The following GLI3 variants were observed in gnomAD, a reference collection of about 807,000 sequenced individuals.
GLI3 encodes GLI family zinc finger 3.
A neutral mutation model predicts 100.8 loss-of-function variants in GLI3; 20 were observed. That is an observed-to-expected ratio of 0.20 (90% CI 0.14 to 0.29). The LOEUF (loss-of-function observed/expected upper bound fraction) is 0.29, where lower values mean the gene tolerates loss of function less well. Ranked by LOEUF, GLI3 falls within the 10% of genes least tolerant of loss-of-function variation. The pLI is 1.00. For synonymous variants in GLI3, 938 were observed against 860.5 expected, an observed-to-expected ratio of 1.09 and a Z score of -1.58; for missense variants, 2,040 against 2,128.5, an observed-to-expected ratio of 0.96 and a Z score of 0.82.
At chr7:42,023,766 T>C (rs907731288) in intron 9 of GLI3, among the ~76,000 whole-genome samples, 158 bp from the exon 10 acceptor site, 2 of 152,212 alleles carry the variant, frequency 1.3e-5, no homozygotes, top group Non-Finnish European at 2.9e-5. Flanking sequence ...CTGTGCATAT[T>C]TTCAGATTTA....
chr7:41,978,758 G>A lies in GLI3; in HGVS notation c.1498-10C>T, dbSNP rs1787577126. The stretch of plus-strand genomic sequence containing the variant: ...GGTCGTTATTTATATGCTGGGGTTT[G>A]GAAAAAGAGAGAGAAATCAAATGGA... On this transcript the variant is annotated splice_polypyrimidine_tract_variant and intron_variant, in intron 10 of 14. Coordinates refer to ENST00000395925, the MANE Select transcript of GLI3 (RefSeq NM_000168.6). 1 of 1,612,652 alleles carries A rather than the reference G, an allele frequency of 6.2e-7. No homozygotes were observed. Among genetic ancestry groups the A allele is most frequent in the Admixed American group, 1.7e-5 (1 of 59,986 alleles).
At position 42,148,352 on chromosome 7, in the gene GLI3, C is replaced by T. The variant is rs376725882; in HGVS notation, c.241G>A (p.Glu81Lys). ...TCTTTCTTGATCAATGAGGCCCTCT[C>T]GTCACTCGATGTTGAAGGTTCCTCA... is the stretch of plus-strand genomic sequence containing the variant. ...VSEEPSTSSD[E>K]RASLIKKEIH... The change falls in exon 3 of 15, where the codon GAG becomes AAG. Residue 81 changes from glutamate (E) to lysine (K), a missense_variant. Glu to Lys is a moderately conservative substitution (Grantham distance 56). Transcript: ENST00000395925. The T allele has an allele frequency of 2.3e-4, 366 of 1,613,918 alleles. No homozygotes were observed. Among genetic ancestry groups the T allele is most frequent in the Non-Finnish European group, 3.0e-4 (355 of 1,179,970 alleles).
At chr7:42,123,865 C>G (rs1251056751) in intron 3 of GLI3, among the ~76,000 whole-genome samples, 1 of 152,184 alleles carries the variant, frequency 6.6e-6, no homozygotes, top group Non-Finnish European at 1.5e-5. Flanking sequence ...GTTAAAAACA[C>G]AGAACCTAAG....
chr7:42,257,354 C>CTTTT (rs61449410), intron 1 of GLI3, among the ~76,000 whole-genome samples: 4 of 130,586 alleles, frequency 3.1e-5, no homozygotes, highest in South Asian at 2.5e-4. Context: ...ATCATTCAGT[C>CTTTT]TTTTTTTTTT....
intron 10 of GLI3, among the ~76,000 whole-genome samples, chr7:42,013,987 A>T (rs541142445): frequency 6.6e-6 from 1 of 152,304 alleles, no homozygotes; most frequent in South Asian, 2.1e-4. Flanking sequence ...GAACATCCAC[A>T]TCAGCTGCTC....
upstream of GLI3, among the ~76,000 whole-genome samples, chr7:42,240,440 A>T (rs1015000469): frequency 1.3e-5 from 2 of 152,166 alleles, no homozygotes; most frequent in African/African-American, 4.8e-5. Context: ...TAGAGGCTTG[A>T]AGTCCAAAAG....
chr7:42,171,326 C>A (rs1352506693), intron 2 of GLI3, among the ~76,000 whole-genome samples: 1 of 152,062 alleles, frequency 6.6e-6, no homozygotes, highest in Non-Finnish European at 1.5e-5. Flanking sequence ...AAAACTTTTC[C>A]TATGAAGAGA....
intron 3 of GLI3, among the ~76,000 whole-genome samples, chr7:42,109,496 A>G (rs2128765727): frequency 6.6e-6 from 1 of 152,324 alleles, no homozygotes; most frequent in Non-Finnish European, 1.5e-5. Context: ...GAATGAGAGC[A>G]TAATGTCCTG....
At chr7:42,086,266 G>T (rs766887025) in intron 3 of GLI3, among the ~76,000 whole-genome samples, 1 of 152,120 alleles carries the variant, frequency 6.6e-6, no homozygotes, top group African/African-American at 2.4e-5. Flanking sequence ...TTATGGATGG[G>T]GAAACTGACC....
At chr7:42,110,035 G>A (rs911934040) in intron 3 of GLI3, among the ~76,000 whole-genome samples, 3 of 152,066 alleles carry the variant, frequency 2.0e-5, no homozygotes, top group African/African-American at 7.2e-5. Flanking sequence ...CTTATATAAG[G>A]CTTTGTTTTA....
chr7:42,137,274 C>T (rs146961637), intron 3 of GLI3, among the ~76,000 whole-genome samples: 3,134 of 152,314 alleles, frequency 0.021, 37 homozygotes, highest in Middle Eastern at 0.044. Context: ...CCTGATTCCA[C>T]ATTCCATGCC....
At chr7:42,204,882 G>A (rs1721239564) in intron 2 of GLI3, among the ~76,000 whole-genome samples, 1 of 152,008 alleles carries the variant, frequency 6.6e-6, no homozygotes, top group South Asian at 2.1e-4. Flanking sequence ...ATTTCTCTGT[G>A]GGCTGGCAAA....
chr7:42,149,505 A>T (rs189289799), intron 2 of GLI3, among the ~76,000 whole-genome samples: 1 of 152,328 alleles, frequency 6.6e-6, no homozygotes, highest in Admixed American at 6.5e-5. Flanking sequence ...GGACCAATTC[A>T]TCTCTTTGAA....
chr7:42,060,769 C>G (rs1280101938), intron 4 of GLI3, among the ~76,000 whole-genome samples: 1 of 152,052 alleles, frequency 6.6e-6, no homozygotes, highest in Non-Finnish European at 1.5e-5. Flanking sequence ...CAACTAAGTC[C>G]CTCTATGATG....
chr7:42,039,096 T>A (rs1784078112), intron 7 of GLI3, among the ~76,000 whole-genome samples: 1 of 152,194 alleles, frequency 6.6e-6, no homozygotes, highest in African/African-American at 2.4e-5. Context: ...GCAAAAAATT[T>A]AGGGGAAATG....
chr7:41,992,947 T>C (rs10263807), intron 10 of GLI3, among the ~76,000 whole-genome samples: 8,312 of 152,278 alleles, frequency 0.055, 317 homozygotes, highest in Non-Finnish European at 0.082. Flanking sequence ...GAGTTGCAAA[T>C]AGAAATCAAT....
At chr7:42,179,864 T>C (rs1211782172) in intron 2 of GLI3, among the ~76,000 whole-genome samples, 1 of 151,734 alleles carries the variant, frequency 6.6e-6, no homozygotes, top group East Asian at 1.9e-4. Flanking sequence ...GGGTGGAGAG[T>C]AGCTCATTTC....
intron 10 of GLI3, among the ~76,000 whole-genome samples, chr7:42,005,062 T>C (rs571713169): frequency 6.6e-6 from 1 of 152,242 alleles, no homozygotes; most frequent in African/African-American, 2.4e-5. Flanking sequence ...ATACATATGA[T>C]GAAAGCAAGA....
Position 41,963,576 on chromosome 7 carries a change from T to G in GLI3, c.*754A>C, listed in dbSNP as rs1422587682. Reference sequence around the variant, plus strand: ...AAGGTAGTGGGAGGAGAGGCAAATGTGATAACTGAGAATCGACCATACAGA... The same window carrying G: ...AAGGTAGTGGGAGGAGAGGCAAATGGGATAACTGAGAATCGACCATACAGA... On this transcript the variant is annotated 3_prime_UTR_variant, in exon 15 of 15. Coordinates refer to ENST00000395925, the MANE Select transcript of GLI3 (RefSeq NM_000168.6). 3 of 152,254 alleles carry G rather than the reference T, an allele frequency of 2.0e-5. No homozygotes were observed. The highest frequency in any genetic ancestry group is 7.2e-5 in the African/African-American group (3 of 41,456). 9.4% of individuals were successfully genotyped at this position (152,254 alleles called of 1,614,324 possible). A position where few individuals can be genotyped will look rare whatever the true frequency, so the allele number is the denominator to read the frequency against.
Sources: gnomAD v4.1 joint callset for allele counts (sites outside exome capture counted in the v4.1 genomes callset) on GRCh38, gnomAD v4.1.1 for gene constraint, MANE v1.5 for transcripts, NCBI Gene and HGNC (gene_info 2026-07-23, HGNC 2026-07-21) for gene names.